ABI3BP: variants seen among roughly 807,000 people sequenced by gnomAD.
The protein encoded by ABI3BP is ABI family member 3 binding protein.
Under a neutral mutation model 268.6 loss-of-function variants are expected in ABI3BP, and 216 were observed. The observed-to-expected ratio is 0.80, with a 90% confidence interval of 0.72 to 0.90. The LOEUF is 0.90. Among genes scored for constraint, ABI3BP ranks in the 40% least tolerant of loss-of-function variants. The pLI, the probability that ABI3BP is intolerant of heterozygous loss-of-function variation, is 0.00. For synonymous variants in ABI3BP, 730 were observed against 730.0 expected, an observed-to-expected ratio of 1.00 and a Z score of 0.00; for missense variants, 2,090 against 2,182.4, an observed-to-expected ratio of 0.96 and a Z score of 0.84.
chr3:100,836,759 C>A (rs566964621), intron 27 of ABI3BP, among the ~76,000 whole-genome samples: 1 of 152,294 alleles, frequency 6.6e-6, no homozygotes, highest in East Asian at 1.9e-4. Context: ...ACATTGAGGA[C>A]AAACTCCAAC....
chr3:100,909,534 T>C (rs1481073236), intron 2 of ABI3BP, among the ~76,000 whole-genome samples: 1 of 152,002 alleles, frequency 6.6e-6, no homozygotes, highest in Non-Finnish European at 1.5e-5. Context: ...AGGGTTAATA[T>C]CCAGAATCTA....
At position 100,817,288 on chromosome 3, in the gene ABI3BP, A is replaced by G; in HGVS notation, c.3148+148T>C. 8 of 557,804 alleles carry G rather than the reference A, an allele frequency of 1.4e-5. No homozygotes were observed. In the South Asian group the frequency reaches 2.8e-4, roughly 19 times the overall value. The allele number at this position is 557,804 out of a possible 1,614,324, so 34.6% of individuals were successfully genotyped here. A position where few individuals can be genotyped will look rare whatever the true frequency, so the allele number is the denominator to read the frequency against. ...TTCTAAGGATCACTAATACTCAAAT[A>G]TAAAGTTGAAGGACAATATAAAGTT... On this transcript the variant is annotated intron_variant, in intron 42 of 67. Coordinates refer to ENST00000471714, the MANE Select transcript of ABI3BP (RefSeq NM_001375547.2).
intron 61 of ABI3BP, 63 bp from the exon 62 acceptor site, chr3:100,771,015 G>C: frequency 7.7e-7 from 1 of 1,304,616 alleles, no homozygotes; most frequent in Non-Finnish European, 1.0e-6. Flanking sequence ...ATAGAAGTGA[G>C]CTCATAAATA....
At chr3:100,777,586 G>A (rs1210741297) in intron 59 of ABI3BP, among the ~76,000 whole-genome samples, 2 of 152,202 alleles carry the variant, frequency 1.3e-5, no homozygotes, top group Non-Finnish European at 2.9e-5. Flanking sequence ...CTCTAACAGA[G>A]GGGTATGTCA....
At chr3:100,774,528 T>C in intron 61 of ABI3BP, 77 bp downstream of exon 61, 1 of 1,196,262 alleles carries the variant, frequency 8.4e-7, no homozygotes, top group Non-Finnish European at 1.2e-6. Flanking sequence ...TGTGGTTTTT[T>C]ACACAGCAAT....
intron 1 of ABI3BP, among the ~76,000 whole-genome samples, chr3:100,985,297 G>T (rs1173248854): frequency 6.6e-6 from 1 of 151,552 alleles, no homozygotes; most frequent in Non-Finnish European, 1.5e-5. Flanking sequence ...CTATGGGCAC[G>T]TGCCACCATG....
At chr3:100,764,738 T>C (rs1272091490) in intron 63 of ABI3BP, among the ~76,000 whole-genome samples, 2 of 152,200 alleles carry the variant, frequency 1.3e-5, no homozygotes, top group Admixed American at 6.5e-5. Flanking sequence ...CCTTCAAATA[T>C]ATTATGGCAA....
chr3:100,872,692 C>T (rs2099121247), intron 9 of ABI3BP, among the ~76,000 whole-genome samples: 1 of 152,186 alleles, frequency 6.6e-6, no homozygotes, highest in African/African-American at 2.4e-5. Flanking sequence ...AGCTTTAACT[C>T]TTCCAAACAC....
At chr3:100,795,717 G>T (rs1451443841) in intron 53 of ABI3BP, 87 bp downstream of exon 53, 1 of 987,226 alleles carries the variant, frequency 1.0e-6, no homozygotes, top group African/African-American at 1.7e-5. Flanking sequence ...GAGAAGAAAT[G>T]ATGTTTCAAC....
chr3:100,823,619 C>CA (rs72135669), intron 36 of ABI3BP, 105 bp from the exon 37 acceptor site: 152,719 of 726,940 alleles, frequency 0.21, 10,677 homozygotes, highest in South Asian at 0.32. Flanking sequence ...TCCAGAGAAA[C>CA]AAAAAAAAAA....
chr3:100,862,192 T>C (rs758204256), intron 14 of ABI3BP, 119 bp downstream of exon 14: 1 of 728,622 alleles, frequency 1.4e-6, no homozygotes, highest in South Asian at 2.1e-5. Context: ...AACAAATGTA[T>C]GATAGATTTT....
Position 100,770,726 on chromosome 3 carries a change from T to C in ABI3BP, c.4741+17A>G. On this transcript the variant is annotated intron_variant, in intron 62 of 67. Transcript: ENST00000471714. ...TCAAAGCTTCCCACCATAACAGTCC[T>C]CATGCCATGATCTTACCAGTGACAG... 6.9e-7 allele frequency: 1 copy of C among 1,456,694 alleles called. No individual in the cohort carries two copies. Among genetic ancestry groups the C allele is most frequent in the Non-Finnish European group, 9.1e-7 (1 of 1,100,516 alleles). The allele number at this position is 1,456,694 out of a possible 1,614,324, so 90.2% of individuals were successfully genotyped here. A position where few individuals can be genotyped will look rare whatever the true frequency, so the allele number is the denominator to read the frequency against.
chr3:100,847,619 G>A lies in ABI3BP; in HGVS notation c.1631C>T (p.Pro544Leu). 1 of 1,613,418 alleles carries A rather than the reference G, an allele frequency of 6.2e-7. No individual in the cohort carries two copies. Among genetic ancestry groups the A allele is most frequent in the Non-Finnish European group, 8.5e-7 (1 of 1,179,382 alleles). The change falls in exon 19 of 68, where the codon CCT becomes CTT. Residue 544 changes from proline to leucine, a missense_variant. Physicochemically the swap from Pro to Leu is moderately conservative, Grantham distance 98 (BLOSUM62 -3). Coordinates refer to ENST00000471714, the MANE Select transcript of ABI3BP (RefSeq NM_001375547.2). ...ATTATTACCCGGTGTTGTCCATGTA[G>A]GTTCAGGGCTTTTAGAAATTTTAGG... Reference protein sequence around the residue: ...ITPKISKSPEPTWTTPAPGKT... With the variant: ...ITPKISKSPELTWTTPAPGKT...
intron 1 of ABI3BP, among the ~76,000 whole-genome samples, chr3:100,930,178 T>C (rs965240580): frequency 6.6e-6 from 1 of 151,918 alleles, no homozygotes; most frequent in Non-Finnish European, 1.5e-5. Context: ...GCTTAACTAG[T>C]ACAACATCTA....
rs762268063 is a variant in ABI3BP, at chr3:100,811,290, A to G, written c.3494-13T>C. ...ATAGATTCCACAACTGTACCAAAAC[A>G]AAGGAGAAAAATTTTAGAAACTGTA... On this transcript the variant is annotated splice_polypyrimidine_tract_variant and intron_variant, in intron 47 of 67. Coordinates refer to ENST00000471714, the MANE Select transcript of ABI3BP (RefSeq NM_001375547.2). 3.9e-6 allele frequency: 6 copies of G among 1,526,912 alleles called. No homozygotes were observed. The highest frequency in any genetic ancestry group is 4.4e-6 in the Non-Finnish European group (5 of 1,142,902). 94.6% of individuals were successfully genotyped at this position (1,526,912 alleles called of 1,614,324 possible). A position where few individuals can be genotyped will look rare whatever the true frequency, so the allele number is the denominator to read the frequency against.
chr3:100,987,706 A>G (rs186298548), intron 1 of ABI3BP, among the ~76,000 whole-genome samples: 244 of 152,322 alleles, frequency 1.6e-3, no homozygotes, highest in Middle Eastern at 6.8e-3. Context: ...TTTATGCAGC[A>G]ATAGATAGCT....
chr3:100,943,790 C>A (rs1398285380), intron 1 of ABI3BP, among the ~76,000 whole-genome samples: 1 of 152,088 alleles, frequency 6.6e-6, no homozygotes, highest in Non-Finnish European at 1.5e-5. Flanking sequence ...AACATTTTTA[C>A]ATCTTCCAGT....
At chr3:100,843,331 G>A (rs2098728640) in intron 20 of ABI3BP, among the ~76,000 whole-genome samples, 1 of 152,134 alleles carries the variant, frequency 6.6e-6, no homozygotes, top group Non-Finnish European at 1.5e-5. Context: ...GAAATAGATT[G>A]TAACAGATGA....
chr3:100,987,255 C>T (rs1655108286), intron 1 of ABI3BP, among the ~76,000 whole-genome samples: 1 of 152,172 alleles, frequency 6.6e-6, no homozygotes, highest in South Asian at 2.1e-4. Flanking sequence ...TTAAACACCT[C>T]ACTTATGTCT....
Sources: allele counts gnomAD v4.1 joint callset (sites outside exome capture counted in the v4.1 genomes callset), GRCh38; gene constraint gnomAD v4.1.1; transcripts MANE v1.5; gene names NCBI Gene and HGNC (gene_info 2026-07-23, HGNC 2026-07-21).